The following CSF2RA variants were observed in gnomAD, a reference collection of about 807,000 sequenced individuals.
The protein encoded by CSF2RA is colony stimulating factor 2 receptor subunit alpha, also known as granulocyte-macrophage colony-stimulating factor receptor subunit alpha.
CSF2RA carries 42 observed loss-of-function variants against 51.6 expected under a neutral mutation model. The observed-to-expected ratio is 0.81, with a 90% CI of 0.64 to 1.05. The LOEUF (loss-of-function observed/expected upper bound fraction) is 1.05. CSF2RA is among the 50% of genes least tolerant of loss of function. The pLI, the probability that CSF2RA is intolerant of heterozygous loss-of-function variation, is 0.00. For missense variants in CSF2RA, 530 were observed against 501.1 expected, an observed-to-expected ratio of 1.06 and a Z score of -0.55; for synonymous variants, 222 against 193.0, an observed-to-expected ratio of 1.15 and a Z score of -1.24.
Position 1,305,438 on chromosome X carries a change from T to C in CSF2RA, c.1044-8T>C. 1 of 1,613,968 alleles carries C rather than the reference T, an allele frequency of 6.2e-7. No homozygotes were observed. Among genetic ancestry groups the C allele is most frequent in the Non-Finnish European group, 8.5e-7 (1 of 1,179,854 alleles). On this transcript the variant is annotated splice_region_variant and splice_polypyrimidine_tract_variant and intron_variant, in intron 11 of 12. Coordinates refer to ENST00000381529, the MANE Select transcript of CSF2RA (RefSeq NM_172245.4). ...TCATTCTCTTCACACTTTTTCTCTG[T>C]GTCTCAGGTTCCTTAGGATACAGCG...
At chrX:1,291,512 A>G (rs2091397243) in intron 7 of CSF2RA, among the ~76,000 whole-genome samples, 1 of 151,406 alleles carries the variant, frequency 6.6e-6, no homozygotes, top group Admixed American at 6.6e-5. Context: ...TCTTGGAGCC[A>G]GTCCCATATG....
intron 10 of CSF2RA, chrX:1,302,992 C>T (rs1390767351): frequency 1.4e-4 from 35 of 251,530 alleles, no homozygotes; most frequent in Non-Finnish European, 2.5e-4. Context: ...CTGCCTCAGC[C>T]TCCCGAGTAG....
At chrX:1,271,332 A>AT (rs752978804) in intron 1 of CSF2RA, among the ~76,000 whole-genome samples, 179 of 14,456 alleles carry the variant, frequency 0.012, 18 homozygotes, top group East Asian at 0.029. Flanking sequence ...TAATTTTTGT[A>AT]TTTTTTTTTT....
intron 7 of CSF2RA, 110 bp from the exon 8 acceptor site, chrX:1,294,218 C>CA: frequency 1.4e-6 from 2 of 1,388,998 alleles, no homozygotes; most frequent in South Asian, 2.3e-5. Context: ...CCTACTCCAC[C>CA]TCCACCTGGA....
chrX:1,289,202 C>A, intron 6 of CSF2RA: 1 of 399,764 alleles, frequency 2.5e-6, no homozygotes, highest in Non-Finnish European at 4.7e-6. Flanking sequence ...CAGCTCCCTG[C>A]AACCTGCGCC....
the CSF2RA span, among the ~76,000 whole-genome samples, chrX:1,321,220 A>G: frequency 6.6e-6 from 1 of 152,010 alleles, no homozygotes; most frequent in South Asian, 2.1e-4. Context: ...CTGTCATCCC[A>G]ACACTTTGGG....
Position 1,309,359 on chromosome X carries a change from G to C in CSF2RA, c.1126-43G>C, listed in dbSNP as rs781102650. The C allele has an allele frequency of 2.5e-6, 4 of 1,585,704 alleles. No homozygotes were observed. The South Asian group carries it at 3.3e-5, about 13-fold the overall frequency. On this transcript the variant is annotated intron_variant, in intron 12 of 12. Transcript: ENST00000381529. ...AACACAGCCCACTGAGTCCCAGGCT[G>C]AGCTCGTGAAGATCTGACAGCCTGA...
intron 1 of CSF2RA, among the ~76,000 whole-genome samples, chrX:1,273,481 ATTGTTTT>A (rs2088715640): frequency 6.6e-6 from 1 of 150,926 alleles, no homozygotes; most frequent in Non-Finnish European, 1.5e-5. Context: ...TGCCCAGATA[ATTGTTTT>A]TTGTTTTTTG....
downstream of CSF2RA, among the ~76,000 whole-genome samples, chrX:1,313,147 G>A (rs1290363631): frequency 3.9e-5 from 6 of 152,136 alleles, no homozygotes; most frequent in Admixed American, 6.6e-5. Flanking sequence ...AGCAGAGGCC[G>A]GGCGTGGTAG....
At chrX:1,315,027 G>T (rs2084513910), downstream of CSF2RA, among the ~76,000 whole-genome samples, 1 of 152,044 alleles carries the variant, frequency 6.6e-6, no homozygotes, top group African/African-American at 2.4e-5. Flanking sequence ...CAACCACACT[G>T]CACCAAAGGA....
chrX:1,294,646 AC>A (rs1395107828), intron 8 of CSF2RA, among the ~76,000 whole-genome samples, 185 bp downstream of exon 8: 3 of 152,106 alleles, frequency 2.0e-5, no homozygotes, highest in African/African-American at 7.2e-5. Flanking sequence ...CTGTGGAGCC[AC>A]CTTGAAAGAG....
intron 12 of CSF2RA, among the ~76,000 whole-genome samples, chrX:1,306,904 G>A (rs1288949203): frequency 6.6e-6 from 1 of 151,498 alleles, no homozygotes; most frequent in African/African-American, 2.4e-5. Context: ...AGCAAGGGAT[G>A]GGAGTGGAAG....
intron 8 of CSF2RA, 96 bp downstream of exon 8, chrX:1,294,557 A>T: frequency 6.5e-7 from 1 of 1,535,050 alleles, no homozygotes; most frequent in Non-Finnish European, 9.0e-7. Flanking sequence ...GGCCTGGGGG[A>T]AGGATGCGTG....
At chrX:1,289,223 G>A in intron 6 of CSF2RA, 2 of 363,116 alleles carry the variant, frequency 5.5e-6, no homozygotes, top group South Asian at 4.9e-5. Flanking sequence ...TCCCTCCAGG[G>A]TTCAAGTGAT....
At chrX:1,285,500 C>G (rs1343482554) in intron 3 of CSF2RA, among the ~76,000 whole-genome samples, 4 of 150,938 alleles carry the variant, frequency 2.7e-5, no homozygotes, top group Non-Finnish European at 5.9e-5. Flanking sequence ...TCGAGACCAG[C>G]CTGACCAACA....
the CSF2RA span, among the ~76,000 whole-genome samples, chrX:1,320,508 T>TC: frequency 2.0e-5 from 3 of 150,916 alleles, no homozygotes; most frequent in Non-Finnish European, 4.4e-5. Context: ...GCTTTTTTTT[T>TC]TTTTTCCGAG....
chrX:1,302,856 AT>A, intron 10 of CSF2RA: 2 of 274,358 alleles, frequency 7.3e-6, no homozygotes, highest in Non-Finnish European at 1.3e-5. Context: ...ATGCTTGGCC[AT>A]TTTTTAAATA....
At chrX:1,316,295 TAGATAGATAGAC>T in the CSF2RA span, among the ~76,000 whole-genome samples, 1,016 of 145,496 alleles carry the variant, frequency 7.0e-3, 6 homozygotes, top group African/African-American at 0.015. Flanking sequence ...GATAGATAGA[TAGATAGATAGAC>T]AGACAGACAG....
At chrX:1,320,956 C>T in the CSF2RA span, among the ~76,000 whole-genome samples, 1 of 151,956 alleles carries the variant, frequency 6.6e-6, no homozygotes, top group Non-Finnish European at 1.5e-5. Context: ...TCTCGTGCCT[C>T]AGCCTCCCAA....
Sources: allele counts gnomAD v4.1 joint callset (sites outside exome capture counted in the v4.1 genomes callset), GRCh38; gene constraint gnomAD v4.1.1; transcripts MANE v1.5; gene names NCBI Gene and HGNC (gene_info 2026-07-23, HGNC 2026-07-21).